Variants in TSHR observed in about 807,000 individuals in gnomAD.
TSHR encodes thyroid stimulating hormone receptor, also known as thyrotropin receptor.
A neutral mutation model predicts 64.1 loss-of-function variants in TSHR; 51 were observed. The observed-to-expected ratio is 0.80, with a 90% CI of 0.64 to 1.01. The LOEUF (loss-of-function observed/expected upper bound fraction) is 1.01. TSHR is among the 50% of genes least tolerant of loss of function. The probability of loss-of-function intolerance (pLI) is 0.00; values close to 1 mark genes in which losing one functional copy is unlikely to be tolerated. For missense variants in TSHR, 877 were observed against 942.8 expected, an observed-to-expected ratio of 0.93 and a Z score of 0.91; for synonymous variants, 361 against 361.9, an observed-to-expected ratio of 1.00 and a Z score of 0.03.
chr14:81,055,658 T>A (rs1037438055), intron 1 of TSHR, among the ~76,000 whole-genome samples: 2 of 152,232 alleles, frequency 1.3e-5, no homozygotes, highest in Non-Finnish European at 2.9e-5. Flanking sequence ...TTTTGGAGCT[T>A]TAACATTTGA....
intron 1 of TSHR, among the ~76,000 whole-genome samples, chr14:81,008,747 C>T (rs1413944705): frequency 6.6e-6 from 1 of 152,130 alleles, no homozygotes; most frequent in Admixed American, 6.5e-5. Flanking sequence ...ACATACTCTC[C>T]TTAAGAAATT....
chr14:80,989,458 A>G (rs1888622627), intron 1 of TSHR, among the ~76,000 whole-genome samples: 1 of 152,166 alleles, frequency 6.6e-6, no homozygotes, highest in Non-Finnish European at 1.5e-5. Flanking sequence ...TTTAATTTAG[A>G]TAACTTAATT....
chr14:81,044,985 G>A (rs377207614), intron 1 of TSHR, among the ~76,000 whole-genome samples: 2 of 152,082 alleles, frequency 1.3e-5, no homozygotes, highest in Admixed American at 6.6e-5. Flanking sequence ...TAGCAAAGAC[G>A]TAGAATCAAC....
intron 1 of TSHR, among the ~76,000 whole-genome samples, chr14:80,990,142 A>G (rs1888652732): frequency 6.6e-6 from 1 of 152,258 alleles, no homozygotes; most frequent in African/African-American, 2.4e-5. Context: ...CCTGGAAAAC[A>G]GAGTGTGAGG....
chr14:81,083,631 G>A (rs1370453266), intron 3 of TSHR, among the ~76,000 whole-genome samples: 3 of 152,118 alleles, frequency 2.0e-5, no homozygotes, highest in Non-Finnish European at 2.9e-5. Flanking sequence ...ACACGAGTCA[G>A]TTATGTTGCT....
intron 3 of TSHR, among the ~76,000 whole-genome samples, chr14:81,073,781 C>A (rs1887291124): frequency 1.3e-5 from 2 of 151,968 alleles, no homozygotes; most frequent in South Asian, 4.1e-4. Flanking sequence ...TATAATAGAG[C>A]AGTACATTAA....
At chr14:81,044,651 C>CT (rs1288376469) in intron 1 of TSHR, among the ~76,000 whole-genome samples, 1 of 108,094 alleles carries the variant, frequency 9.3e-6, no homozygotes, top group Non-Finnish European at 1.9e-5. Flanking sequence ...GAGCAAGACT[C>CT]TGTCTCAAAA....
rs370518378 is a variant in TSHR at position 80,969,244 on chromosome 14, C to T, written c.170+13394C>T. ...GGCAGTCTGGTTCTTCATGACAGGGCACATAGTGAGACTAGTGGATATAGT... is the reference window on the plus strand; with the variant it reads ...GGCAGTCTGGTTCTTCATGACAGGGTACATAGTGAGACTAGTGGATATAGT... On this transcript the variant is annotated intron_variant, in intron 1 of 9. Coordinates refer to ENST00000298171, the MANE Select transcript of TSHR (RefSeq NM_000369.5). Among the ~76,000 whole-genome samples, 4 of 152,266 alleles carry T rather than the reference C, an allele frequency of 2.6e-5. No homozygotes were observed. The East Asian group carries it at 5.8e-4, about 22-fold the overall frequency.
intron 1 of TSHR, chr14:81,033,405 AG>A: frequency 4.8e-6 from 1 of 210,020 alleles, no homozygotes; most frequent in South Asian, 9.5e-5. Context: ...GCAGAAGCTA[AG>A]GCATAGAAAT....
intron 1 of TSHR, among the ~76,000 whole-genome samples, chr14:80,959,872 A>G (rs1886924656): frequency 6.6e-6 from 1 of 152,224 alleles, no homozygotes; most frequent in South Asian, 2.1e-4. Flanking sequence ...TTATTTACTC[A>G]GTATTTTTAA....
At chr14:81,061,648 G>A (rs1219715633) in intron 1 of TSHR, among the ~76,000 whole-genome samples, 1 of 151,968 alleles carries the variant, frequency 6.6e-6, no homozygotes, top group African/African-American at 2.4e-5. Context: ...AAGGCAGAGG[G>A]TGGGAGGAGG....
intron 1 of TSHR, chr14:81,014,172 C>T (rs894686041): frequency 2.0e-5 from 3 of 152,138 alleles, no homozygotes; most frequent in African/African-American, 4.8e-5. Flanking sequence ...GTTTTTCATT[C>T]GCTTGTAGTC....
intron 3 of TSHR, among the ~76,000 whole-genome samples, chr14:81,074,609 G>GA (rs1320272580): frequency 6.6e-6 from 1 of 152,164 alleles, no homozygotes; most frequent in African/African-American, 2.4e-5. Context: ...ATTTGTTTAG[G>GA]AAAGAGAGCT....
intron 1 of TSHR, among the ~76,000 whole-genome samples, chr14:81,040,517 G>T (rs1201649178): frequency 6.6e-6 from 1 of 151,942 alleles, no homozygotes; most frequent in African/African-American, 2.4e-5. Context: ...TAACAAAGTG[G>T]AGAGACGACA....
intron 9 of TSHR, among the ~76,000 whole-genome samples, chr14:81,142,451 T>G (rs987235817): frequency 9.2e-5 from 14 of 151,994 alleles, no homozygotes; most frequent in Admixed American, 2.0e-4. Context: ...CCAATGCCAC[T>G]GGAGCACAGT....
At chr14:81,037,037 G>A (rs1464361636) in intron 1 of TSHR, among the ~76,000 whole-genome samples, 3 of 152,090 alleles carry the variant, frequency 2.0e-5, no homozygotes, top group Admixed American at 2.0e-4. Context: ...CAGGTACTCA[G>A]GAGGCTGAGG....
intron 1 of TSHR, among the ~76,000 whole-genome samples, chr14:81,016,138 C>A (rs1268326085): frequency 6.6e-6 from 1 of 151,982 alleles, no homozygotes; most frequent in Non-Finnish European, 1.5e-5. Flanking sequence ...GAATATATGC[C>A]CATAAGAGGG....
intron 3 of TSHR, among the ~76,000 whole-genome samples, chr14:81,073,531 A>G (rs908628843): frequency 6.6e-5 from 10 of 152,166 alleles, no homozygotes; most frequent in African/African-American, 2.4e-4. Context: ...ATGTTCTCTA[A>G]CTAGTAAATA....
intron 1 of TSHR, among the ~76,000 whole-genome samples, chr14:80,984,661 G>T (rs1888345913): frequency 6.6e-6 from 1 of 152,164 alleles, no homozygotes; most frequent in Non-Finnish European, 1.5e-5. Flanking sequence ...GTTTAATTTT[G>T]CATGCCAGGT....
Sources: gnomAD v4.1 joint callset for allele counts (sites outside exome capture counted in the v4.1 genomes callset) on GRCh38, gnomAD v4.1.1 for gene constraint, MANE v1.5 for transcripts, NCBI Gene and HGNC (gene_info 2026-07-23, HGNC 2026-07-21) for gene names.